DMD: variants seen among roughly 807,000 people sequenced by gnomAD.
The protein encoded by DMD is mutant dystrophin.
In DMD, 63 loss-of-function variants were observed where a neutral mutation model predicts 330.1. The observed-to-expected ratio is 0.19, with a 90% CI of 0.16 to 0.24. The LOEUF (loss-of-function observed/expected upper bound fraction) is 0.24, where lower values mean the gene tolerates loss of function less well. Among genes scored for constraint, DMD ranks in the 10% least tolerant of loss-of-function variants. The pLI is 1.00. For missense variants in DMD, 3,344 were observed against 2,684.1 expected, an observed-to-expected ratio of 1.25 and a Z score of -5.43; for synonymous variants, 1,223 against 959.8, an observed-to-expected ratio of 1.27 and a Z score of -5.07.
At chrX:31,928,539 G>A in intron 47 of DMD, among the ~76,000 whole-genome samples, 1 of 109,921 alleles carries the variant, frequency 9.1e-6, no homozygotes, top group East Asian at 2.9e-4. Flanking sequence ...CTGGGAGGCG[G>A]AAGTTGCAGT....
At chrX:31,128,295 C>A (rs1460788924) in intron 77 of DMD, among the ~76,000 whole-genome samples, 5 of 111,838 alleles carry the variant, frequency 4.5e-5, no homozygotes, top group African/African-American at 9.7e-5. Context: ...GCCCAATGCC[C>A]TGTACCGTAT....
chrX:31,453,765 C>CAAAAAAAAAAAACAAAAAA (rs2065935633), intron 59 of DMD, among the ~76,000 whole-genome samples: 1 of 8,983 alleles, frequency 1.1e-4, no homozygotes, highest in African/African-American at 5.0e-4. Context: ...AAAAAACAAG[C>CAAAAAAAAAAAACAAAAAA]AAAAAAAAAA....
chrX:33,148,723 T>C (rs10127390), intron 1 of DMD, among the ~76,000 whole-genome samples: 8,796 of 111,735 alleles, frequency 0.079, 374 homozygotes, highest in South Asian at 0.2. Context: ...TTTTAATGGA[T>C]CTCCATTTAA....
At chrX:31,912,251 T>C (rs1484287600) in intron 47 of DMD, among the ~76,000 whole-genome samples, 1 of 111,210 alleles carries the variant, frequency 9.0e-6, no homozygotes, top group Non-Finnish European at 1.9e-5. Context: ...CTGCCATGCC[T>C]GCAGCCAGCA....
At chrX:33,286,776 C>A (rs1424634479) in intron 1 of DMD, among the ~76,000 whole-genome samples, 1 of 112,152 alleles carries the variant, frequency 8.9e-6, no homozygotes, top group Non-Finnish European at 1.9e-5. Context: ...GCTGTTCAGC[C>A]TCTAATTGTA....
intron 44 of DMD, among the ~76,000 whole-genome samples, chrX:32,112,525 G>A (rs779507298): frequency 5.4e-5 from 6 of 111,485 alleles, no homozygotes; most frequent in African/African-American, 1.3e-4. Flanking sequence ...ACTTGGAGAC[G>A]AATAGATTAT....
intron 50 of DMD, among the ~76,000 whole-genome samples, chrX:31,814,373 C>T (rs1353809043): frequency 2.9e-5 from 3 of 102,652 alleles, no homozygotes; most frequent in Non-Finnish European, 3.9e-5. Flanking sequence ...GTCCCAGCTA[C>T]GGGGGAGGCT....
intron 44 of DMD, among the ~76,000 whole-genome samples, chrX:32,095,015 C>T (rs770617796): frequency 2.0e-4 from 22 of 111,033 alleles, no homozygotes; most frequent in African/African-American, 5.9e-4. Context: ...GAGCATGGGG[C>T]TAGAAAAACA....
At chrX:32,661,052 T>C (rs1392225149) in intron 9 of DMD, among the ~76,000 whole-genome samples, 5 of 111,323 alleles carry the variant, frequency 4.5e-5, no homozygotes, top group Non-Finnish European at 9.5e-5. Flanking sequence ...TCAAGTACCA[T>C]ATATTACATC....
At chrX:32,705,647 C>G (rs1224426153) in intron 7 of DMD, among the ~76,000 whole-genome samples, 1 of 111,544 alleles carries the variant, frequency 9.0e-6, no homozygotes, top group Non-Finnish European at 1.9e-5. Flanking sequence ...AAAGCCGTCT[C>G]AACTAAAAAT....
intron 59 of DMD, among the ~76,000 whole-genome samples, chrX:31,457,868 G>T (rs1771021414): frequency 9.0e-6 from 1 of 111,667 alleles, no homozygotes; most frequent in Admixed American, 9.6e-5. Flanking sequence ...ATGAACCAAA[G>T]ATTAATACAA....
chrX:33,022,378 A>G (rs777813864), intron 1 of DMD, among the ~76,000 whole-genome samples: 2 of 111,250 alleles, frequency 1.8e-5, no homozygotes, highest in African/African-American at 6.5e-5. Context: ...CATTATGTGC[A>G]AAGTGTTACT....
At chrX:32,584,977 C>A (rs1437466175) in intron 13 of DMD, among the ~76,000 whole-genome samples, 1 of 110,868 alleles carries the variant, frequency 9.0e-6, no homozygotes, top group Non-Finnish European at 1.9e-5. Context: ...AAACAGATAA[C>A]AGGTTATATA....
intron 62 of DMD, among the ~76,000 whole-genome samples, chrX:31,306,698 C>T (rs942873803): frequency 5.4e-5 from 6 of 111,833 alleles, no homozygotes; most frequent in African/African-American, 1.9e-4. Flanking sequence ...GAAGTTGGTA[C>T]AGTCAAGCAT....
chrX:32,097,377 T>C (rs2096515473), intron 44 of DMD, among the ~76,000 whole-genome samples: 1 of 111,156 alleles, frequency 9.0e-6, no homozygotes, highest in Admixed American at 9.6e-5. Context: ...TGTGTTAGTT[T>C]GCTGAGGATG....
At chrX:31,732,911 C>T (rs1474716648) in intron 51 of DMD, among the ~76,000 whole-genome samples, 1 of 111,459 alleles carries the variant, frequency 9.0e-6, no homozygotes, top group Non-Finnish European at 1.9e-5. Context: ...TAACTTAAAG[C>T]GAACAAAACT....
At chrX:32,686,580 AAAG>A (rs1267837234) in intron 9 of DMD, among the ~76,000 whole-genome samples, 23 of 104,958 alleles carry the variant, frequency 2.2e-4, no homozygotes, top group African/African-American at 8.3e-4. Context: ...AAAAAAAAAA[AAAG>A]AAAAGAAAAG....
At chrX:32,228,003 T>TG (rs2097154530) in intron 43 of DMD, among the ~76,000 whole-genome samples, 1 of 111,204 alleles carries the variant, frequency 9.0e-6, no homozygotes, top group Non-Finnish European at 1.9e-5. Flanking sequence ...AATATGTATA[T>TG]AAGTATACAC....
At chrX:31,694,617 CATAT>C (rs34933227) in intron 52 of DMD, among the ~76,000 whole-genome samples, 87 of 58,163 alleles carry the variant, frequency 1.5e-3, no homozygotes, top group African/African-American at 3.3e-3. Flanking sequence ...TGACAAACAG[CATAT>C]ATATATATAT....
Sources: gnomAD v4.1 joint callset for allele counts (sites outside exome capture counted in the v4.1 genomes callset) on GRCh38, gnomAD v4.1.1 for gene constraint, MANE v1.5 for transcripts, NCBI Gene and HGNC (gene_info 2026-07-23, HGNC 2026-07-21) for gene names.